Variants in TNFSF11 observed in about 807,000 individuals in gnomAD.
TNFSF11 encodes the protein tumor necrosis factor ligand superfamily member 11.
TNFSF11 carries 12 observed loss-of-function variants against 32.2 expected under a neutral mutation model. The observed-to-expected ratio is 0.37, with a 90% CI of 0.24 to 0.60. The LOEUF is 0.60. Among genes scored for constraint, TNFSF11 ranks in the 20% least tolerant of loss-of-function variants. TNFSF11 has a pLI of 0.66. For synonymous variants in TNFSF11, 172 were observed against 152.1 expected, an observed-to-expected ratio of 1.13 and a Z score of -0.96; for missense variants, 345 against 398.0, an observed-to-expected ratio of 0.87 and a Z score of 1.13.
At chr13:42,574,104 C>T (rs1180191370), upstream of TNFSF11, 1 of 633,610 alleles carries the variant, frequency 1.6e-6, no homozygotes, top group African/African-American at 1.9e-5. Context: ...GCTCCCGAGG[C>T]CAGGGCTCTC....
At chr13:42,588,551 T>C (rs1314088343) in intron 2 of TNFSF11, among the ~76,000 whole-genome samples, 5 of 152,038 alleles carry the variant, frequency 3.3e-5, no homozygotes, top group Non-Finnish European at 5.9e-5. Context: ...CAGCAAGGGA[T>C]AGATTGGATT....
chr13:42,574,964 C>G (rs1397319021), intron 1 of TNFSF11, among the ~76,000 whole-genome samples: 2 of 152,260 alleles, frequency 1.3e-5, no homozygotes, highest in Admixed American at 6.5e-5. Context: ...TCCCGCCCAC[C>G]ACCCGGCGGG....
chr13:42,597,376 A>G (rs984509478), intron 2 of TNFSF11, among the ~76,000 whole-genome samples: 6 of 139,866 alleles, frequency 4.3e-5, no homozygotes, highest in African/African-American at 1.6e-4. Flanking sequence ...CAGACATTGA[A>G]AGTGCATCTG....
upstream of TNFSF11, among the ~76,000 whole-genome samples, chr13:42,573,708 T>TG (rs910663689): frequency 1.3e-5 from 2 of 152,224 alleles, no homozygotes; most frequent in African/African-American, 2.4e-5. Context: ...GGAAGCACTT[T>TG]GGGGGGAGAG....
At chr13:42,585,929 CA>C (rs1873874022) in intron 2 of TNFSF11, among the ~76,000 whole-genome samples, 1 of 152,174 alleles carries the variant, frequency 6.6e-6, no homozygotes, top group African/African-American at 2.4e-5. Flanking sequence ...GGTCAATAAA[CA>C]AATTGCACAA....
chr13:42,567,289 G>A (rs1020981399), intron 2 of TNFSF11, among the ~76,000 whole-genome samples: 7 of 152,060 alleles, frequency 4.6e-5, no homozygotes, highest in Non-Finnish European at 5.9e-5. Flanking sequence ...TTTTATTTTA[G>A]GAATAAGTCT....
chr13:42,563,833 T>C (rs993232043), intron 1 of TNFSF11, among the ~76,000 whole-genome samples: 1 of 152,170 alleles, frequency 6.6e-6, no homozygotes, highest in African/African-American at 2.4e-5. Flanking sequence ...CATACCCACT[T>C]TGTGATTTTC....
chr13:42,605,049 C>T (rs763771937), intron 4 of TNFSF11, among the ~76,000 whole-genome samples: 3 of 152,228 alleles, frequency 2.0e-5, no homozygotes, highest in African/African-American at 4.8e-5. Flanking sequence ...TCCCAAAGTG[C>T]TGGGATTACA....
intron 2 of TNFSF11, among the ~76,000 whole-genome samples, chr13:42,599,349 C>CTATCTATCATCT (rs11385072): frequency 2.0e-4 from 23 of 112,238 alleles, no homozygotes; most frequent in Admixed American, 3.8e-4. Context: ...ATCTATCTAT[C>CTATCTATCATCT]ATCTATCTAT....
In TNFSF11 at chr13:42,592,118, C is replaced by T. The variant is rs534346309; in HGVS notation, c.388-8634C>T. Among the ~76,000 whole-genome samples the T allele has an allele frequency of 1.4e-4, 22 of 152,266 alleles. 1 individual carries two copies. In the South Asian group the frequency reaches 4.6e-3, roughly 32 times the overall value. On this transcript the variant is annotated intron_variant, in intron 2 of 4. Transcript: ENST00000398795. The stretch of plus-strand genomic sequence containing the variant: ...TGACACCAAATATGTGGCGTTTGCC[C>T]TCACACAAAGCAGTTCTCCAACTCT...
At chr13:42,572,178 G>C (rs1873092592), upstream of TNFSF11, among the ~76,000 whole-genome samples, 1 of 152,284 alleles carries the variant, frequency 6.6e-6, no homozygotes, top group African/African-American at 2.4e-5. Context: ...AATGTCATAT[G>C]AAGAACTCTG....
rs900243490 is a variant in TNFSF11, at chr13:42,606,664, G to C, written c.700G>C (p.Glu234Gln). Residue 234 changes from glutamate (E) to glutamine (Q), a missense_variant, in exon 5 of 5, where the codon GAG becomes CAG. By Grantham distance (29) the Glu-to-Gln change is conservative. Coordinates refer to ENST00000398795, the MANE Select transcript of TNFSF11 (RefSeq NM_003701.4). Reference protein sequence around the residue: ...HHETSGDLATEYLQLMVYVTK... With the variant: ...HHETSGDLATQYLQLMVYVTK... ...TGAAACTTCAGGAGACCTAGCTACA[G>C]AGTATCTTCAACTAATGGTGTACGT... The C allele has an allele frequency of 6.2e-7, 1 of 1,614,220 alleles. No homozygotes were observed. Among genetic ancestry groups the C allele is most frequent in the East Asian group, 2.2e-5 (1 of 44,886 alleles).
chr13:42,585,822 T>C (rs923921065), intron 2 of TNFSF11, among the ~76,000 whole-genome samples: 2 of 152,244 alleles, frequency 1.3e-5, no homozygotes, highest in Non-Finnish European at 2.9e-5. Flanking sequence ...TTGACTTTAG[T>C]GTGCTGGCTT....
intron 2 of TNFSF11, among the ~76,000 whole-genome samples, chr13:42,582,423 TAA>T (rs994264544): frequency 2.0e-5 from 3 of 152,136 alleles, no homozygotes; most frequent in Non-Finnish European, 4.4e-5. Context: ...TTATCGAATC[TAA>T]GTTACCAATT....
intron 2 of TNFSF11, among the ~76,000 whole-genome samples, chr13:42,597,860 CT>C (rs971169683): frequency 2.0e-5 from 3 of 151,894 alleles, no homozygotes; most frequent in Admixed American, 6.6e-5. Context: ...CTTTTCTTTT[CT>C]TTTTTTTAGA....
chr13:42,574,526 A>T lies in TNFSF11; in HGVS notation c.219+4A>T, dbSNP rs775642349. The T allele has an allele frequency of 2.3e-5, 37 of 1,606,368 alleles. No individual in the cohort carries two copies. In the South Asian group the frequency reaches 4.0e-4, roughly 17 times the overall value. ...GTTCTTCTATTTCAGAGCGCAGGTG[A>T]GTGGCCACCTTCCCAGGGGATCGCG... On this transcript the variant is annotated splice_donor_region_variant and intron_variant, in intron 1 of 4. Transcript: ENST00000398795.
chr13:42,568,447 G>T (rs1477294530), intron 2 of TNFSF11, among the ~76,000 whole-genome samples: 1 of 152,218 alleles, frequency 6.6e-6, no homozygotes, highest in African/African-American at 2.4e-5. Flanking sequence ...ATTTCCAGAA[G>T]ACTGCCAACA....
intron 2 of TNFSF11, among the ~76,000 whole-genome samples, chr13:42,594,949 A>T (rs376093505): frequency 2.1e-4 from 28 of 135,124 alleles, no homozygotes; most frequent in East Asian, 3.9e-4. Context: ...GTTGAAATTT[A>T]AAAAAAAAAA....
chr13:42,591,339 C>T (rs1868461219), intron 2 of TNFSF11, among the ~76,000 whole-genome samples: 2 of 152,104 alleles, frequency 1.3e-5, no homozygotes, highest in South Asian at 4.1e-4. Context: ...CCTACCTTCG[C>T]TCCTCCTATC....
Sources: gnomAD v4.1 joint callset for allele counts (sites outside exome capture counted in the v4.1 genomes callset) on GRCh38, gnomAD v4.1.1 for gene constraint, MANE v1.5 for transcripts, NCBI Gene and HGNC (gene_info 2026-07-23, HGNC 2026-07-21) for gene names.